Variants in PTPRD observed in about 807,000 individuals in gnomAD.
PTPRD encodes the protein receptor-type tyrosine-protein phosphatase delta.
A neutral mutation model predicts 214.5 loss-of-function variants in PTPRD; 34 were observed. That is an observed-to-expected ratio of 0.16 (90% CI 0.12 to 0.21). The LOEUF is 0.21. Ranked by LOEUF, PTPRD falls within the 10% of genes least tolerant of loss-of-function variation. PTPRD has a pLI of 1.00. For missense variants in PTPRD, 2,545 were observed against 2,398.7 expected (o/e 1.06, Z -1.27); for synonymous variants, 1,128 against 845.7 (o/e 1.33, Z -5.79).
chr9:8,850,286 G>C (rs2097785864), intron 11 of PTPRD, among the ~76,000 whole-genome samples: 1 of 152,164 alleles, frequency 6.6e-6, no homozygotes, highest in African/African-American at 2.4e-5. Flanking sequence ...TTGTTTCTAT[G>C]AGAAGTGGAT....
intron 14 of PTPRD, among the ~76,000 whole-genome samples, chr9:8,628,519 C>T (rs896571269): frequency 2.0e-5 from 3 of 151,026 alleles, no homozygotes; most frequent in African/African-American, 7.3e-5. Context: ...AACTGACTTG[C>T]TGAAATAGGC....
intron 5 of PTPRD, among the ~76,000 whole-genome samples, chr9:9,922,564 G>A (rs1276020701): frequency 1.3e-5 from 2 of 151,942 alleles, no homozygotes; most frequent in African/African-American, 2.4e-5. Context: ...CTGAAATAGA[G>A]ATAATGTCTA....
In PTPRD at chr9:10,100,891, C is replaced by T. The variant is rs996615952; in HGVS notation, c.-544-67101G>A. On this transcript the variant is annotated intron_variant, in intron 3 of 45. Transcript: ENST00000381196. ...TCAAATAATAATAAAGAAACAAATA[C>T]TAAAAGAGCAGGCAGCATACTGAGA... Among the ~76,000 whole-genome samples, 8 of 151,544 alleles carry T rather than the reference C, an allele frequency of 5.3e-5. No individual in the cohort carries two copies. In the East Asian group the frequency reaches 1.4e-3, roughly 26 times the overall value.
At chr9:10,216,660 T>G (rs897807100) in intron 3 of PTPRD, among the ~76,000 whole-genome samples, 1 of 152,018 alleles carries the variant, frequency 6.6e-6, no homozygotes, top group Non-Finnish European at 1.5e-5. Flanking sequence ...TAAAACTTAT[T>G]CTAACACCTA....
intron 7 of PTPRD, among the ~76,000 whole-genome samples, chr9:9,581,942 T>C (rs1563844396): frequency 6.6e-6 from 1 of 152,128 alleles, no homozygotes; most frequent in Non-Finnish European, 1.5e-5. Flanking sequence ...ACAAAAACCA[T>C]AATAGATTTG....
intron 2 of PTPRD, among the ~76,000 whole-genome samples, chr9:10,342,959 C>A (rs2096971668): frequency 6.6e-6 from 1 of 152,072 alleles, no homozygotes; most frequent in South Asian, 2.1e-4. Context: ...GCCTGACCTC[C>A]ATACCTCTTG....
intron 9 of PTPRD, among the ~76,000 whole-genome samples, chr9:9,235,192 A>T (rs1180558626): frequency 2.0e-5 from 3 of 152,128 alleles, no homozygotes; most frequent in African/African-American, 7.2e-5. Context: ...TAAAACCATC[A>T]TATCTTATGC....
At chr9:8,395,800 C>G (rs764595761) in intron 36 of PTPRD, among the ~76,000 whole-genome samples, 48 of 151,906 alleles carry the variant, frequency 3.2e-4, no homozygotes, top group South Asian at 2.1e-3. Flanking sequence ...GCTGAGGAGG[C>G]TGAGTTTTGA....
At chr9:9,368,277 T>C (rs930265994) in intron 9 of PTPRD, among the ~76,000 whole-genome samples, 1 of 151,632 alleles carries the variant, frequency 6.6e-6, no homozygotes, top group African/African-American at 2.4e-5. Flanking sequence ...AAATTATGAC[T>C]TGAGCCTCAC....
chr9:9,143,616 A>C (rs1287130246), intron 10 of PTPRD, among the ~76,000 whole-genome samples: 1 of 152,218 alleles, frequency 6.6e-6, no homozygotes, highest in Non-Finnish European at 1.5e-5. Context: ...GATCATCCCA[A>C]TATGGGTCTC....
intron 3 of PTPRD, among the ~76,000 whole-genome samples, chr9:10,122,470 TTTAA>T (rs543784244): frequency 3.0e-4 from 46 of 152,278 alleles, no homozygotes; most frequent in African/African-American, 1.1e-3. Context: ...GTTCTAGATG[TTTAA>T]TTAAGGACAA....
intron 11 of PTPRD, among the ~76,000 whole-genome samples, chr9:8,832,410 C>CTTTTTTTTTTTT: frequency 7.8e-6 from 1 of 127,970 alleles, no homozygotes; most frequent in Non-Finnish European, 1.6e-5. Flanking sequence ...CTAAAATCAT[C>CTTTTTTTTTTTT]TTTTTTTTTT....
At chr9:9,636,649 A>G (rs910034785) in intron 7 of PTPRD, among the ~76,000 whole-genome samples, 3 of 152,168 alleles carry the variant, frequency 2.0e-5, no homozygotes. Context: ...ATAGTCTCTG[A>G]AAGTATAGAA....
intron 12 of PTPRD, among the ~76,000 whole-genome samples, chr9:8,708,439 C>T (rs1597562269): frequency 1.3e-5 from 2 of 151,634 alleles, no homozygotes; most frequent in South Asian, 4.2e-4. Flanking sequence ...TTTGGGAGGC[C>T]GAGGTGGGCG....
At chr9:9,402,718 G>C (rs1029488713) in intron 8 of PTPRD, among the ~76,000 whole-genome samples, 1 of 119,788 alleles carries the variant, frequency 8.3e-6, no homozygotes, top group African/African-American at 3.3e-5. Context: ...GTCTGAGCAA[G>C]TATGTGAAAG....
intron 12 of PTPRD, among the ~76,000 whole-genome samples, chr9:8,642,345 C>T (rs72698285): frequency 0.068 from 10,407 of 152,194 alleles, 1,079 homozygotes; most frequent in African/African-American, 0.23. Context: ...AACTGATTAA[C>T]ATTTCCTTAA....
intron 9 of PTPRD, among the ~76,000 whole-genome samples, chr9:9,230,796 G>C (rs1389316851): frequency 6.6e-6 from 1 of 152,068 alleles, no homozygotes; most frequent in African/African-American, 2.4e-5. Context: ...GGATAAATCT[G>C]TATCTTTTCT....
intron 3 of PTPRD, among the ~76,000 whole-genome samples, chr9:10,307,828 C>T (rs571101181): frequency 7.5e-4 from 114 of 151,846 alleles, no homozygotes; most frequent in South Asian, 1.9e-3. Context: ...TGATGCTAAA[C>T]GCTTTTTTCA....
chr9:10,562,676 T>C (rs1335677446), intron 2 of PTPRD, among the ~76,000 whole-genome samples: 1 of 152,158 alleles, frequency 6.6e-6, no homozygotes, highest in African/African-American at 2.4e-5. Flanking sequence ...TTAATTGTAA[T>C]GTGCCATGCA....
Sources: gnomAD v4.1 joint callset for allele counts (sites outside exome capture counted in the v4.1 genomes callset) on GRCh38, gnomAD v4.1.1 for gene constraint, MANE v1.5 for transcripts, NCBI Gene and HGNC (gene_info 2026-07-23, HGNC 2026-07-21) for gene names.